OSBPL10: variants seen among roughly 807,000 people sequenced by gnomAD.
OSBPL10 encodes the protein oxysterol binding protein like 10, also known as oxysterol-binding protein-related protein 10.
A neutral mutation model predicts 81.7 loss-of-function variants in OSBPL10; 49 were observed. The observed-to-expected ratio is 0.60, with a 90% CI of 0.48 to 0.76. The LOEUF is 0.76. Ranked by LOEUF, OSBPL10 falls within the 30% of genes least tolerant of loss-of-function variation. OSBPL10 has a pLI of 0.00. For synonymous variants in OSBPL10, 419 were observed against 383.6 expected (o/e 1.09, Z -1.08); for missense variants, 923 against 987.8 (o/e 0.93, Z 0.88).
At chr3:31,929,824 T>C (rs993279593) in intron 1 of OSBPL10, among the ~76,000 whole-genome samples, 2 of 150,790 alleles carry the variant, frequency 1.3e-5, no homozygotes, top group Non-Finnish European at 2.9e-5. Flanking sequence ...AACAGATACA[T>C]GGTCAACAGA....
intron 1 of OSBPL10, among the ~76,000 whole-genome samples, chr3:32,059,505 C>T (rs766602790): frequency 5.9e-5 from 9 of 151,586 alleles, no homozygotes; most frequent in Non-Finnish European, 1.3e-4. Flanking sequence ...GCAGGAGAAT[C>T]GCTTGAACCC....
At chr3:31,862,630 A>G (rs1211507553) in intron 3 of OSBPL10, among the ~76,000 whole-genome samples, 2 of 152,238 alleles carry the variant, frequency 1.3e-5, no homozygotes, top group Non-Finnish European at 2.9e-5. Flanking sequence ...AAGGATTTTT[A>G]TATGTATTTC....
rs1575460726 is a variant in OSBPL10 at position 31,664,612 on chromosome 3, A to G, written c.2097-380T>C. ...CCTCTTTAATCCTCACAGCAACCCA[A>G]TGATATATTATAGACGGTAGATTCT... On this transcript the variant is annotated intron_variant, in intron 10 of 11. Transcript: ENST00000396556. 2.4e-5 allele frequency: 7 copies of G among 290,132 alleles called. No individual in the cohort carries two copies. The East Asian group carries it at 2.6e-4, about 11-fold the overall frequency. 18.0% of individuals were successfully genotyped at this position (290,132 alleles called of 1,614,324 possible). A position where few individuals can be genotyped will look rare whatever the true frequency, so the allele number is the denominator to read the frequency against.
chr3:31,681,295 A>T (rs1427874362), intron 8 of OSBPL10, among the ~76,000 whole-genome samples: 1 of 152,140 alleles, frequency 6.6e-6, no homozygotes. Context: ...ACCTGTGGGC[A>T]CTCTGGAGTT....
intron 2 of OSBPL10, among the ~76,000 whole-genome samples, chr3:32,015,067 A>T (rs896409563): frequency 6.6e-6 from 1 of 152,210 alleles, no homozygotes; most frequent in South Asian, 2.1e-4. Context: ...GCTACCAATG[A>T]CTTTCTTCAC....
At chr3:31,900,025 C>T (rs1263039217) in intron 1 of OSBPL10, among the ~76,000 whole-genome samples, 5 of 135,474 alleles carry the variant, frequency 3.7e-5, no homozygotes, top group African/African-American at 1.1e-4. Flanking sequence ...GAAAATAAAA[C>T]TTTTTTTTTT....
intron 7 of OSBPL10, among the ~76,000 whole-genome samples, chr3:31,685,751 A>G (rs1700777419): frequency 6.6e-6 from 1 of 152,126 alleles, no homozygotes; most frequent in African/African-American, 2.4e-5. Flanking sequence ...ACGGACCACA[A>G]ATATCACACA....
rs937711744 is a variant in OSBPL10, at chr3:31,672,356, G to A, written c.1727-1373C>T. On this transcript the variant is annotated intron_variant, in intron 8 of 11. Coordinates refer to ENST00000396556, the MANE Select transcript of OSBPL10 (RefSeq NM_017784.5). ...TAAATCACTTAGAGCTAGAATTTGC[G>A]GGGGCGGGGGGGGGGGCAGGAGGGA... Among the ~76,000 whole-genome samples the A allele has an allele frequency of 1.3e-3, 118 of 93,666 alleles. 1 individual carries two copies. The highest frequency in any genetic ancestry group is 2.0e-3 in the Non-Finnish European group (96 of 48,552). 61.4% of individuals were successfully genotyped at this position (93,666 alleles called of 152,430 possible).
intron 1 of OSBPL10, among the ~76,000 whole-genome samples, chr3:31,882,732 G>A (rs1695619745): frequency 6.6e-6 from 1 of 152,112 alleles, no homozygotes; most frequent in Middle Eastern, 3.2e-3. Context: ...GAGAGCCTGG[G>A]TCCCTGAAAC....
intron 3 of OSBPL10, among the ~76,000 whole-genome samples, chr3:31,861,699 A>T (rs1701059798): frequency 6.6e-6 from 1 of 152,200 alleles, no homozygotes; most frequent in Non-Finnish European, 1.5e-5. Flanking sequence ...ACTACCCCAA[A>T]ACAAGAGGTT....
chr3:31,716,363 T>C (rs774878857), intron 6 of OSBPL10, among the ~76,000 whole-genome samples: 1 of 152,230 alleles, frequency 6.6e-6, no homozygotes, highest in Non-Finnish European at 1.5e-5. Flanking sequence ...ATGACATTAT[T>C]GTACAACAGA....
intron 2 of OSBPL10, among the ~76,000 whole-genome samples, chr3:32,014,017 C>T (rs996754358): frequency 7.2e-5 from 11 of 152,256 alleles, no homozygotes; most frequent in African/African-American, 2.2e-4. Flanking sequence ...ACCAGAGGTA[C>T]AAGGAGGAGC....
chr3:31,964,087 G>GTT (rs1181015209), intron 1 of OSBPL10, among the ~76,000 whole-genome samples: 1 of 152,170 alleles, frequency 6.6e-6, no homozygotes, highest in East Asian at 1.9e-4. Context: ...ATGAACCTGG[G>GTT]TTGTCTAATG....
intron 4 of OSBPL10, among the ~76,000 whole-genome samples, chr3:31,789,032 G>A (rs1698938486): frequency 6.6e-6 from 1 of 151,712 alleles, no homozygotes. Flanking sequence ...AGGCTGGAGT[G>A]CGGTGGCGCG....
chr3:31,830,121 G>T lies in OSBPL10; in HGVS notation c.648C>A (p.Val216=). Residue 216 remains valine, a synonymous_variant, in exon 4 of 12, where the codon GTC becomes GTA. Coordinates refer to ENST00000396556, the MANE Select transcript of OSBPL10 (RefSeq NM_017784.5). ...RHLSVGAPGV[V]TITHHKSPAA... ...CAGGCGACTTGTGATGCGTGATTGT[G>T]ACAACACCGGGGGCCCCCACACTGA... 6.2e-7 allele frequency: 1 copy of T among 1,614,154 alleles called. No individual in the cohort carries two copies. The highest frequency in any genetic ancestry group is 8.5e-7 in the Non-Finnish European group (1 of 1,180,018).
intron 4 of OSBPL10, among the ~76,000 whole-genome samples, chr3:31,785,186 C>T (rs1698831698): frequency 6.6e-6 from 1 of 152,080 alleles, no homozygotes; most frequent in Admixed American, 6.6e-5. Flanking sequence ...CAGTCTTGAA[C>T]CATATTTTCA....
rs754479283 is a variant in OSBPL10 at position 31,668,423 on chromosome 3, C to T, written c.2096+219G>A. Among the ~76,000 whole-genome samples, 7 of 152,216 alleles carry T rather than the reference C, an allele frequency of 4.6e-5. No individual in the cohort carries two copies. The East Asian group carries it at 7.7e-4, about 17-fold the overall frequency. ...AGACAAGCAGTGAAGTCTGTCCTCA[C>T]ACCCCACCCCATGACTACAGAATGA... is the stretch of plus-strand genomic sequence containing the variant. On this transcript the variant is annotated intron_variant, in intron 10 of 11. Transcript: ENST00000396556.
At chr3:31,860,871 G>GTT (rs71628582) in intron 3 of OSBPL10, among the ~76,000 whole-genome samples, 78 of 136,534 alleles carry the variant, frequency 5.7e-4, no homozygotes, top group South Asian at 1.3e-3. Context: ...TTTTTTTTGG[G>GTT]TTTTTTTTTT....
chr3:31,852,389 CACA>C (rs535212566), intron 3 of OSBPL10, among the ~76,000 whole-genome samples: 41 of 152,256 alleles, frequency 2.7e-4, no homozygotes, highest in Non-Finnish European at 4.3e-4. Context: ...ACAACCGCTT[CACA>C]ACAACTATTA....
Sources: allele counts gnomAD v4.1 joint callset (sites outside exome capture counted in the v4.1 genomes callset), GRCh38; gene constraint gnomAD v4.1.1; transcripts MANE v1.5; gene names NCBI Gene and HGNC (gene_info 2026-07-23, HGNC 2026-07-21).